Variants in FCRL5 observed in about 807,000 individuals in gnomAD.
FCRL5 encodes the protein Fc receptor like 5, also known as Fc receptor-like protein 5.
A neutral mutation model predicts 92.1 loss-of-function variants in FCRL5; 79 were observed. The observed-to-expected ratio is 0.86, with a 90% confidence interval of 0.72 to 1.03. FCRL5 has a LOEUF of 1.03. FCRL5 is among the 50% of genes least tolerant of loss of function. FCRL5 has a pLI of 0.00. For synonymous variants in FCRL5, 466 were observed against 469.3 expected (o/e 0.99, Z 0.09); for missense variants, 1,160 against 1,181.1 (o/e 0.98, Z 0.26).
chr1:157,547,393 G>A (rs1558143216), intron 2 of FCRL5, 196 bp from the exon 3 acceptor site: 2 of 769,752 alleles, frequency 2.6e-6, no homozygotes, highest in Non-Finnish European at 2.3e-6. Flanking sequence ...CCAGGGGATG[G>A]CAATGAGCAA....
intron 8 of FCRL5, chr1:157,534,229 T>A: frequency 1.7e-6 from 1 of 584,840 alleles, no homozygotes; most frequent in Non-Finnish European, 3.2e-6. Context: ...TGGAAATCCT[T>A]TGGAGAATTT....
At chr1:157,526,300 C>G (rs1192205569) in intron 9 of FCRL5, among the ~76,000 whole-genome samples, 1 of 152,082 alleles carries the variant, frequency 6.6e-6, no homozygotes. Context: ...CATCGGTGAC[C>G]TTTGTGAGAA....
At position 157,544,958 on chromosome 1, in the gene FCRL5, G is replaced by A. The variant is rs1168548215; in HGVS notation, c.432C>T (p.Phe144=). 2 of 1,614,182 alleles carry A rather than the reference G, an allele frequency of 1.2e-6. No individual in the cohort carries two copies. The highest frequency in any genetic ancestry group is 2.2e-5 in the South Asian group (2 of 91,082). The change falls in exon 4 of 17, where the codon TTC becomes TTT. Residue 144 remains phenylalanine (F), a synonymous_variant. Transcript: ENST00000361835. ...TATGGAAGTCAGTTCTTTTATTAAG[G>A]AATGCCAGGACATTATCATTCTTGT... ...TIYKNDNVLA[F]LNKRTDFHIP...
In FCRL5 at chr1:157,542,721, C is replaced by A. The variant is rs1307537338; in HGVS notation, c.1123+138G>T. The A allele has an allele frequency of 2.7e-5, 28 of 1,053,450 alleles. No homozygotes were observed. The South Asian group carries it at 4.2e-4, about 16-fold the overall frequency. The allele number at this position is 1,053,450 out of a possible 1,614,324, so 65.3% of individuals were successfully genotyped here. A position where few individuals can be genotyped will look rare whatever the true frequency, so the allele number is the denominator to read the frequency against. ...AGAGGCAGACAGCTGGTTCAGTGAG[C>A]CGGAGAGTGGAGGAGGACATTAGGT... On this transcript the variant is annotated intron_variant, in intron 6 of 16. Transcript: ENST00000361835.
intron 1 of FCRL5, among the ~76,000 whole-genome samples, 173 bp from the exon 2 acceptor site, chr1:157,549,753 T>C (rs1041382706): frequency 1.3e-5 from 2 of 152,044 alleles, no homozygotes; most frequent in Admixed American, 6.6e-5. Context: ...TACATATATA[T>C]ACATATATAT....
rs1309116035 is a variant in FCRL5, at chr1:157,514,463, GGT to G, written c.*1210_*1211del. On this transcript the variant is annotated 3_prime_UTR_variant, in exon 17 of 17. Coordinates refer to ENST00000361835, the MANE Select transcript of FCRL5 (RefSeq NM_031281.3). ...AGCTCTCTCAGCAACAGCAGCTGGT[GGT>G]GCTGTGGCCAAAGGCTGGCCAGGGA... The G allele has an allele frequency of 6.6e-6, 1 of 152,222 alleles. No individual in the cohort carries two copies. The highest frequency in any genetic ancestry group is 1.5e-5 in the Non-Finnish European group (1 of 68,046). 9.4% of individuals were successfully genotyped at this position (152,222 alleles called of 1,614,324 possible).
At chr1:157,546,435 G>A (rs1571111981) in intron 3 of FCRL5, among the ~76,000 whole-genome samples, 1 of 106,668 alleles carries the variant, frequency 9.4e-6, no homozygotes, top group Admixed American at 1.1e-4. Context: ...GTGACAGAGC[G>A]AGACTCCATC....
In FCRL5 at chr1:157,515,863, G is replaced by A. The variant is rs562311278; in HGVS notation, c.2823C>T (p.Asp941=). The change falls in exon 16 of 17, where the codon GAC becomes GAT. Residue 941 remains aspartate (D), a synonymous_variant. Coordinates refer to ENST00000361835, the MANE Select transcript of FCRL5 (RefSeq NM_031281.3). ...QEKKKHAVAS[D]PRHLRNKGSP... The stretch of plus-strand genomic sequence containing the variant: ...TCACCTTGTTCCTGAGATGCCTGGG[G>A]TCAGAGGCCACTGTGGAAAGAGGAA... 3 of 1,613,948 alleles carry A rather than the reference G, an allele frequency of 1.9e-6. No homozygotes were observed. The highest frequency in any genetic ancestry group is 1.3e-5 in the African/African-American group (1 of 75,044).
intron 13 of FCRL5, 138 bp from the exon 14 acceptor site, chr1:157,518,920 TG>T: frequency 1.7e-6 from 1 of 596,234 alleles, no homozygotes; most frequent in East Asian, 2.8e-5. Context: ...AAACTGACCA[TG>T]GGCATTCTAT....
intron 10 of FCRL5, among the ~76,000 whole-genome samples, chr1:157,523,241 T>C (rs945873419): frequency 1.1e-4 from 17 of 152,212 alleles, no homozygotes; most frequent in African/African-American, 3.9e-4. Flanking sequence ...TTGCATACCA[T>C]TGTATGGTCT....
chr1:157,526,443 G>A (rs1464848790), intron 9 of FCRL5, among the ~76,000 whole-genome samples: 1 of 152,120 alleles, frequency 6.6e-6, no homozygotes, highest in East Asian at 1.9e-4. Context: ...AGGTATAAGT[G>A]GGACCAAGAG....
chr1:157,525,090 G>A (rs1650369152), intron 9 of FCRL5, among the ~76,000 whole-genome samples: 1 of 152,126 alleles, frequency 6.6e-6, no homozygotes, highest in Non-Finnish European at 1.5e-5. Flanking sequence ...GACATGCTAG[G>A]GAATCAGTGA....
At chr1:157,535,351 C>G (rs1034289864) in intron 7 of FCRL5, among the ~76,000 whole-genome samples, 24 of 152,348 alleles carry the variant, frequency 1.6e-4, no homozygotes, top group African/African-American at 5.8e-4. Flanking sequence ...GTCCTTACCT[C>G]TTTTGGCTTC....
At chr1:157,529,111 C>T (rs1275547975) in intron 8 of FCRL5, among the ~76,000 whole-genome samples, 1 of 152,028 alleles carries the variant, frequency 6.6e-6, no homozygotes, top group African/African-American at 2.4e-5. Flanking sequence ...AACAAATCAT[C>T]AGGAAAAAAC....
At chr1:157,546,223 A>C (rs772460928) in intron 3 of FCRL5, 9 of 453,130 alleles carry the variant, frequency 2.0e-5, no homozygotes, top group Non-Finnish European at 4.0e-5. Flanking sequence ...CTAGGTGAGC[A>C]GATCACTTGA....
rs1650337524 is a variant in FCRL5, at chr1:157,524,442, C to G, written c.2076G>C (p.Trp692Cys). ...ALRGSSPILYWFYHEDVTLGK... is the reference protein window; with the variant it reads ...ALRGSSPILYCFYHEDVTLGK... ...CCAGGGTGACATCTTCATGATAAAA[C>G]CAGTACAGGATTGGGGAGGAGCCTC... Residue 692 changes from tryptophan to cysteine, a missense_variant, in exon 10 of 17, where the codon TGG becomes TGC. Trp to Cys is a radical substitution (Grantham distance 215, BLOSUM62 -2). Coordinates refer to ENST00000361835, the MANE Select transcript of FCRL5 (RefSeq NM_031281.3). 6.2e-7 allele frequency: 1 copy of G among 1,614,242 alleles called. No homozygotes were observed. Among genetic ancestry groups the G allele is most frequent in the Non-Finnish European group, 8.5e-7 (1 of 1,180,040 alleles).
intron 12 of FCRL5, among the ~76,000 whole-genome samples, chr1:157,520,168 G>A (rs1650111437): frequency 6.6e-6 from 1 of 152,062 alleles, no homozygotes; most frequent in African/African-American, 2.4e-5. Context: ...GTCTTATAAG[G>A]GTCGAGAGGA....
chr1:157,539,132 A>G lies in FCRL5; in HGVS notation c.1356T>C (p.Asn452=), dbSNP rs377504947. 6 of 1,614,200 alleles carry G rather than the reference A, an allele frequency of 3.7e-6. No homozygotes were observed. The highest frequency in any genetic ancestry group is 2.7e-5 in the African/African-American group (2 of 75,066). ...HSGNYYCTAD[N]GFGPQRSKAV... is the part of the protein sequence containing the mutation. ...CCTTACTGCGCTGGGGGCCAAAGCC[A>G]TTGTCAGCTGTGCAGTAGTAGTTCC... Residue 452 remains asparagine (N), a synonymous_variant, in exon 7 of 17, where the codon AAT becomes AAC. Coordinates refer to ENST00000361835, the MANE Select transcript of FCRL5 (RefSeq NM_031281.3).
chr1:157,528,126 A>T, intron 8 of FCRL5: 1 of 384,014 alleles, frequency 2.6e-6, no homozygotes, highest in Non-Finnish European at 4.6e-6. Context: ...AAGTTTCAGG[A>T]TACAAAATCA....
Sources: gnomAD v4.1 joint callset for allele counts (sites outside exome capture counted in the v4.1 genomes callset) on GRCh38, gnomAD v4.1.1 for gene constraint, MANE v1.5 for transcripts, NCBI Gene and HGNC (gene_info 2026-07-23, HGNC 2026-07-21) for gene names.